The following NLRC3 variants were observed in gnomAD, a reference collection of about 807,000 sequenced individuals.
NLRC3 encodes NLR family CARD domain-containing protein 3.
NLRC3 carries 87 observed loss-of-function variants against 91.6 expected under a neutral mutation model. The observed-to-expected ratio is 0.95, with a 90% CI of 0.80 to 1.14. NLRC3 has a LOEUF of 1.14. Among genes scored for constraint, NLRC3 ranks in the 50% most tolerant of loss-of-function variants. The pLI, the probability that NLRC3 is intolerant of heterozygous loss-of-function variation, is 0.00. For missense variants in NLRC3, 1,577 were observed against 1,418.6 expected, an observed-to-expected ratio of 1.11 and a Z score of -1.79; for synonymous variants, 694 against 625.3, an observed-to-expected ratio of 1.11 and a Z score of -1.64.
At position 3,539,718 on chromosome 16, in the gene NLRC3, A is replaced by G. The variant is rs1036181038; in HGVS notation, c.*2107T>C. The G allele has an allele frequency of 6.6e-6, 1 of 152,198 alleles. No homozygotes were observed. Among genetic ancestry groups the G allele is most frequent in the Non-Finnish European group, 1.5e-5 (1 of 68,030 alleles). The allele number at this position is 152,198 out of a possible 1,614,324, so 9.4% of individuals were successfully genotyped here. A position where few individuals can be genotyped will look rare whatever the true frequency, so the allele number is the denominator to read the frequency against. On this transcript the variant is annotated 3_prime_UTR_variant, in exon 20 of 20. Coordinates refer to ENST00000359128, the MANE Select transcript of NLRC3 (RefSeq NM_178844.4). Reference sequence around the variant, plus strand: ...AACTGTCATAAATACTGCAAGACCCATGTTCAGATTTCCCCCCTTTTACAA... The same window carrying G: ...AACTGTCATAAATACTGCAAGACCCGTGTTCAGATTTCCCCCCTTTTACAA...
chr16:3,568,575 A>C (rs1281901603), intron 1 of NLRC3, among the ~76,000 whole-genome samples: 2 of 152,070 alleles, frequency 1.3e-5, no homozygotes, highest in Non-Finnish European at 2.9e-5. Context: ...TAAAAATTAA[A>C]AATTAGCCAG....
intron 12 of NLRC3, 44 bp from the exon 13 acceptor site, chr16:3,549,269 G>A: frequency 7.0e-7 from 1 of 1,425,088 alleles, no homozygotes; most frequent in South Asian, 1.2e-5. Flanking sequence ...GGGCAGATGA[G>A]GTGTCTGGCA....
intron 9 of NLRC3, 146 bp downstream of exon 9, chr16:3,554,096 T>C (rs2151090772): frequency 1.6e-6 from 1 of 611,540 alleles, no homozygotes; most frequent in Non-Finnish European, 3.0e-6. Context: ...TCTCGAAAAG[T>C]AATGGGCATC....
At chr16:3,576,327 A>G (rs1163690573) in intron 1 of NLRC3, among the ~76,000 whole-genome samples, 1 of 152,200 alleles carries the variant, frequency 6.6e-6, no homozygotes, top group African/African-American at 2.4e-5. Flanking sequence ...GGCTGTGGGC[A>G]GGAGAGGCCC....
chr16:3,550,543 G>T (rs767455672), intron 10 of NLRC3, 46 bp from the exon 11 acceptor site: 19 of 1,376,016 alleles, frequency 1.4e-5, no homozygotes, highest in Non-Finnish European at 1.9e-5. Flanking sequence ...GGAGCTGCCA[G>T]GCAGGGCTGG....
chr16:3,566,404 G>A (rs868145500), intron 2 of NLRC3, among the ~76,000 whole-genome samples: 3 of 151,982 alleles, frequency 2.0e-5, no homozygotes, highest in African/African-American at 7.3e-5. Flanking sequence ...CAGCCTGGCC[G>A]ATATGGTGAG....
chr16:3,543,420 C>G lies in NLRC3; in HGVS notation c.2939+5G>C, dbSNP rs1247947631. On this transcript the variant is annotated splice_donor_5th_base_variant and intron_variant, in intron 17 of 19. Transcript: ENST00000359128. ...AAGACCATAGATGGAGACTGGAATA[C>G]TTACTCGAGAATCTCCAAGGTTCTG... 1 of 1,601,354 alleles carries G rather than the reference C, an allele frequency of 6.2e-7. No individual in the cohort carries two copies. Among genetic ancestry groups the G allele is most frequent in the Non-Finnish European group, 8.5e-7 (1 of 1,169,794 alleles).
chr16:3,560,574 C>T (rs2039562199), intron 6 of NLRC3, among the ~76,000 whole-genome samples: 1 of 152,190 alleles, frequency 6.6e-6, no homozygotes, highest in South Asian at 2.1e-4. Flanking sequence ...AATGTTATTC[C>T]AGGAGACGTT....
At chr16:3,542,051 AG>A in intron 19 of NLRC3, 136 bp from the exon 20 acceptor site, 1 of 799,986 alleles carries the variant, frequency 1.3e-6, no homozygotes. Context: ...GACAAGGCTC[AG>A]GGTACCTCCC....
rs2040228436 is a variant in NLRC3 at position 3,574,892 on chromosome 16, G to A, written c.-169+2257C>T. ...CAGGAGAATCGCCTGAACTCAGGAGGTGGAGGCTGCAGTGAGCCAAGATCA... is the reference window on the plus strand; with the variant it reads ...CAGGAGAATCGCCTGAACTCAGGAGATGGAGGCTGCAGTGAGCCAAGATCA... On this transcript the variant is annotated intron_variant, in intron 1 of 19. Coordinates refer to ENST00000359128, the MANE Select transcript of NLRC3 (RefSeq NM_178844.4). Among the ~76,000 whole-genome samples the A allele has an allele frequency of 2.6e-5, 4 of 152,192 alleles. No individual in the cohort carries two copies. In the South Asian group the frequency reaches 8.3e-4, roughly 32 times the overall value.
chr16:3,557,754 A>T (rs1361070629), intron 6 of NLRC3, 78 bp from the exon 7 acceptor site: 1 of 893,832 alleles, frequency 1.1e-6, no homozygotes, highest in Middle Eastern at 3.1e-4. Flanking sequence ...TGTGCCCGTG[A>T]TTAATCCTCT....
In NLRC3 at chr16:3,565,725, G is replaced by T. The variant is rs1370184671; in HGVS notation, c.-86-345C>A. Among the ~76,000 whole-genome samples the T allele has an allele frequency of 2.0e-5, 3 of 152,126 alleles. No individual in the cohort carries two copies. In the East Asian group the frequency reaches 5.8e-4, roughly 29 times the overall value. ...GTCATTATCATTATACATTTGTCCAGACCCACAGAACGTACAACTCCAAGA... is the reference window on the plus strand; with the variant it reads ...GTCATTATCATTATACATTTGTCCATACCCACAGAACGTACAACTCCAAGA... On this transcript the variant is annotated intron_variant, in intron 2 of 19. Transcript: ENST00000359128.
intron 9 of NLRC3, among the ~76,000 whole-genome samples, chr16:3,553,319 C>A (rs2039109185): frequency 6.6e-6 from 1 of 152,236 alleles, no homozygotes; most frequent in African/African-American, 2.4e-5. Context: ...TTGGAGCCAT[C>A]TCTTTGAAAT....
Position 3,564,686 on chromosome 16 carries a change from C to T in NLRC3, c.251G>A (p.Trp84Ter). 1.2e-6 allele frequency: 2 copies of T among 1,601,970 alleles called. No individual in the cohort carries two copies. ...CAGCAGGAGGGAGGCCAGCCTGTGC[C>T]AGGGTCCGCCCAGCTCCGGGCCACC... is the stretch of plus-strand genomic sequence containing the variant. Reference protein sequence around the residue: ...VGGGPELGGPWHRLASLLLVE... With the variant: ...VGGGPELGGP The change falls in exon 5 of 20, where the codon TGG (tryptophan) becomes TAG (stop). Residue 84 changes from tryptophan to a stop codon, truncating the protein, a stop_gained. Transcript: ENST00000359128. LOFTEE classifies it high-confidence loss of function. This position sits in a 1 kb window ranked among gnomAD's most constrained non-coding sequence, Gnocchi z 5.9.
At chr16:3,562,948 G>C in intron 5 of NLRC3, 61 bp downstream of exon 5, 2 of 1,428,114 alleles carry the variant, frequency 1.4e-6, no homozygotes, top group Non-Finnish European at 1.9e-6. Flanking sequence ...GTGGGGAGGG[G>C]ACGGCTTCTG....
chr16:3,554,838 A>G (rs141921358), intron 8 of NLRC3, among the ~76,000 whole-genome samples: 1 of 152,364 alleles, frequency 6.6e-6, no homozygotes, highest in African/African-American at 2.4e-5. Flanking sequence ...CGATATTCAT[A>G]TAACCAAAAG....
At position 3,549,758 on chromosome 16, in the gene NLRC3, C is replaced by T. The variant is rs1348217191; in HGVS notation, c.2458G>A (p.Asp820Asn). 1.3e-6 allele frequency: 2 copies of T among 1,551,060 alleles called. No homozygotes were observed. Among genetic ancestry groups the T allele is most frequent in the South Asian group, 1.2e-5 (1 of 84,034 alleles). The change falls in exon 12 of 20, where the codon GAC becomes AAC. Residue 820 changes from aspartate (D) to asparagine (N), a missense_variant. Transcript: ENST00000359128. Reference protein sequence around the residue: ...SLDLQSNSISDAGVAALMGAL... With the variant: ...SLDLQSNSISNAGVAALMGAL... ...CCCATCAGTGCTGCCACTCCTGCGT[C>T]ACTGATGGAATTGCTCTGCAGGCTG...
chr16:3,565,551 T>C (rs2039845209), intron 2 of NLRC3, among the ~76,000 whole-genome samples, 171 bp from the exon 3 acceptor site: 1 of 144,144 alleles, frequency 6.9e-6, no homozygotes, highest in East Asian at 2.1e-4. Flanking sequence ...ACTAACATTC[T>C]GGAAAAGGCA....
rs775826789 is a variant in NLRC3 at position 3,549,116 on chromosome 16, T to A, written c.2603+26A>T. 3.3e-6 allele frequency: 5 copies of A among 1,513,678 alleles called. No homozygotes were observed. The Admixed American group carries it at 7.8e-5, about 24-fold the overall frequency. The allele number at this position is 1,513,678 out of a possible 1,614,324, so 93.8% of individuals were successfully genotyped here. On this transcript the variant is annotated intron_variant, in intron 13 of 19. Transcript: ENST00000359128. ...GTGTGGTCATGGCATGAACAGCCTG[T>A]GGAGTCACAGGCCCCCACCACGTAC...
Sources: gnomAD v4.1 joint callset for allele counts (sites outside exome capture counted in the v4.1 genomes callset) on GRCh38, gnomAD v4.1.1 for gene constraint, Gnocchi (gnomAD v3.1) non-coding constraint, MANE v1.5 for transcripts, NCBI Gene and HGNC (gene_info 2026-07-23, HGNC 2026-07-21) for gene names.